SYNGR1: variants seen among roughly 807,000 people sequenced by gnomAD.
The protein encoded by SYNGR1 is synaptogyrin 1.
A neutral mutation model predicts 26.1 loss-of-function variants in SYNGR1; 14 were observed. The observed-to-expected ratio is 0.54, with a 90% CI of 0.35 to 0.84. The LOEUF is 0.84. Ranked by LOEUF, SYNGR1 falls within the 40% of genes least tolerant of loss-of-function variation. The probability of loss-of-function intolerance (pLI) is 0.01; values close to 1 mark genes in which losing one functional copy is unlikely to be tolerated. For missense variants in SYNGR1, 319 were observed against 332.9 expected, an observed-to-expected ratio of 0.96 and a Z score of 0.33; for synonymous variants, 141 against 150.1, an observed-to-expected ratio of 0.94 and a Z score of 0.44.
At chr22:39,357,153 C>G (rs1240010130) in intron 1 of SYNGR1, among the ~76,000 whole-genome samples, 1 of 152,080 alleles carries the variant, frequency 6.6e-6, no homozygotes, top group African/African-American at 2.4e-5. Context: ...GTAATCCCAG[C>G]TACTCCAGAG....
chr22:39,365,833 T>C (rs1183757617), intron 1 of SYNGR1, among the ~76,000 whole-genome samples: 17 of 151,516 alleles, frequency 1.1e-4, no homozygotes, highest in Admixed American at 1.1e-3. Flanking sequence ...TCTGCTCTTT[T>C]TCTTTTTTTT....
chr22:39,357,023 C>T (rs1448052593), intron 1 of SYNGR1, among the ~76,000 whole-genome samples: 4 of 152,100 alleles, frequency 2.6e-5, no homozygotes, highest in Non-Finnish European at 5.9e-5. Context: ...TTTGGGAGGC[C>T]AAGGTGGTTG....
Position 39,381,947 on chromosome 22 carries a change from A to G in SYNGR1, c.*33A>G, listed in dbSNP as rs1168878407. On this transcript the variant is annotated 3_prime_UTR_variant, in exon 4 of 4. Transcript: ENST00000328933. Reference sequence around the variant, plus strand: ...TGACCGCCTGCCCCCGCCCCTCCCCATCTGTCCCCTCTCTCCACACCCAGC... The same window carrying G: ...TGACCGCCTGCCCCCGCCCCTCCCCGTCTGTCCCCTCTCTCCACACCCAGC... The G allele has an allele frequency of 2.6e-6, 4 of 1,562,402 alleles. No homozygotes were observed. Among genetic ancestry groups the G allele is most frequent in the Admixed American group, 1.9e-5 (1 of 53,636 alleles).
At chr22:39,367,978 C>T (rs995313132) in intron 1 of SYNGR1, among the ~76,000 whole-genome samples, 2 of 152,230 alleles carry the variant, frequency 1.3e-5, no homozygotes, top group African/African-American at 2.4e-5. Flanking sequence ...AGCCTTTGCA[C>T]TTTCTGTTCC....
intron 1 of SYNGR1, among the ~76,000 whole-genome samples, chr22:39,358,433 G>A (rs974054416): frequency 3.9e-5 from 6 of 152,174 alleles, no homozygotes; most frequent in Non-Finnish European, 8.8e-5. Flanking sequence ...TGCTCGTTGC[G>A]ATAAATTTTG....
intron 1 of SYNGR1, among the ~76,000 whole-genome samples, chr22:39,357,763 T>TA (rs950863874): frequency 6.6e-6 from 1 of 152,048 alleles, no homozygotes; most frequent in Non-Finnish European, 1.5e-5. Context: ...GCGGAGGGTG[T>TA]ACTGGGTCCC....
intron 1 of SYNGR1, among the ~76,000 whole-genome samples, chr22:39,364,878 C>G (rs739363): frequency 6.6e-6 from 1 of 152,088 alleles, no homozygotes; most frequent in Admixed American, 6.5e-5. Context: ...ATTTGTTTTT[C>G]TGAGTTTGAC....
chr22:39,380,447 A>G (rs1470098075), intron 3 of SYNGR1, among the ~76,000 whole-genome samples: 2 of 151,930 alleles, frequency 1.3e-5, no homozygotes, highest in African/African-American at 2.4e-5. Flanking sequence ...TCTGTTGCCC[A>G]GGCTGGATCA....
chr22:39,360,034 G>C (rs1924396254), intron 1 of SYNGR1, among the ~76,000 whole-genome samples: 1 of 152,172 alleles, frequency 6.6e-6, no homozygotes, highest in South Asian at 2.1e-4. Flanking sequence ...GTGGCCACGT[G>C]TTGCAGCTCC....
At chr22:39,359,350 G>A (rs6001555) in intron 1 of SYNGR1, among the ~76,000 whole-genome samples, 4,894 of 152,094 alleles carry the variant, frequency 0.032, 272 homozygotes, top group African/African-American at 0.11. Context: ...GGCCGGGCAC[G>A]GTGGCTCACG....
intron 1 of SYNGR1, among the ~76,000 whole-genome samples, chr22:39,360,651 G>T (rs894424531): frequency 6.6e-6 from 1 of 152,190 alleles, no homozygotes; most frequent in Non-Finnish European, 1.5e-5. Context: ...GCACGGGCCG[G>T]ATGAGGTGCC....
intron 2 of SYNGR1, chr22:39,374,863 G>C (rs1001066819): frequency 2.2e-5 from 10 of 454,956 alleles, no homozygotes; most frequent in African/African-American, 2.0e-4. Context: ...CCGTGTTTCA[G>C]TGGCCTCTTC....
chr22:39,382,137 G>T lies in SYNGR1; in HGVS notation c.*223G>T. The T allele has an allele frequency of 1.6e-6, 1 of 607,208 alleles. No individual in the cohort carries two copies. Among genetic ancestry groups the T allele is most frequent in the South Asian group, 2.0e-5 (1 of 50,850 alleles). 37.6% of individuals were successfully genotyped at this position (607,208 alleles called of 1,614,324 possible). A position where few individuals can be genotyped will look rare whatever the true frequency, so the allele number is the denominator to read the frequency against. On this transcript the variant is annotated 3_prime_UTR_variant, in exon 4 of 4. Coordinates refer to ENST00000328933, the MANE Select transcript of SYNGR1 (RefSeq NM_004711.5). The stretch of plus-strand genomic sequence containing the variant: ...CATGTGCCCCGCAGGGGCCTAGAGG[G>T]TGGGGGCCAGGGGTATTTGCATTCA...
chr22:39,353,699 A>G (rs1444544440), intron 1 of SYNGR1, among the ~76,000 whole-genome samples: 4 of 152,162 alleles, frequency 2.6e-5, no homozygotes, highest in Non-Finnish European at 5.9e-5. Flanking sequence ...TCAGTGACTC[A>G]TTTCTTTGTT....
intron 3 of SYNGR1, 144 bp downstream of exon 3, chr22:39,376,341 C>G: frequency 1.4e-6 from 2 of 1,395,652 alleles, no homozygotes; most frequent in South Asian, 2.3e-5. Context: ...TGCCTGTCTG[C>G]GGCGCTCACA....
intron 1 of SYNGR1, among the ~76,000 whole-genome samples, chr22:39,367,833 A>C (rs1169611770): frequency 1.3e-5 from 2 of 151,656 alleles, no homozygotes; most frequent in Non-Finnish European, 2.9e-5. Flanking sequence ...AAAAAAAAAA[A>C]AAAAAAAAAC....
intron 1 of SYNGR1, among the ~76,000 whole-genome samples, chr22:39,362,774 C>T (rs562773703): frequency 1.5e-4 from 23 of 152,090 alleles, no homozygotes; most frequent in Admixed American, 9.2e-4. Context: ...GGTGTGCAAG[C>T]GGAGGTGCCA....
In SYNGR1 at chr22:39,364,214, G is replaced by A. The variant is rs201037903; in HGVS notation, c.100-10102G>A. ...GGTCTCATGTTGACCTTAGAGTTTG[G>A]GATTCTGGAATTCGATCCTTCATGG... On this transcript the variant is annotated intron_variant, in intron 1 of 3. Coordinates refer to ENST00000328933, the MANE Select transcript of SYNGR1 (RefSeq NM_004711.5). The A allele has an allele frequency of 1.7e-4, 269 of 1,613,580 alleles. 2 individuals carry two copies. The highest frequency in any genetic ancestry group is 2.1e-5 in the Non-Finnish European group (25 of 1,180,012).
rs111464684 is a variant in SYNGR1, at chr22:39,357,987, G to C, written c.99+7878G>C. On this transcript the variant is annotated intron_variant, in intron 1 of 3. Coordinates refer to ENST00000328933, the MANE Select transcript of SYNGR1 (RefSeq NM_004711.5). ...CACCCAAGGGCTGAGGAGTGCGAGC[G>C]CACGGCGCGGGAGTGGCAGGCAGCT... is the stretch of plus-strand genomic sequence containing the variant. Among the ~76,000 whole-genome samples the C allele has an allele frequency of 2.2e-3, 333 of 152,364 alleles. 2 individuals are homozygous for C. Among genetic ancestry groups the C allele is most frequent in the African/African-American group, 7.7e-3 (322 of 41,590 alleles).
Sources: allele counts gnomAD v4.1 joint callset (sites outside exome capture counted in the v4.1 genomes callset), GRCh38; gene constraint gnomAD v4.1.1; transcripts MANE v1.5; gene names NCBI Gene and HGNC (gene_info 2026-07-23, HGNC 2026-07-21).